Variants in LMO1 observed in about 807,000 individuals in gnomAD.
LMO1 encodes LIM domain only 1, also known as rhombotin-1.
In LMO1, 10 loss-of-function variants were observed where a neutral mutation model predicts 18.0. The observed-to-expected ratio is 0.55, with a 90% CI of 0.34 to 0.94. The LOEUF (loss-of-function observed/expected upper bound fraction) is 0.94, where lower values mean the gene tolerates loss of function less well. LMO1 is among the 40% of genes least tolerant of loss of function. The pLI is 0.02. For missense variants in LMO1, 183 were observed against 205.7 expected, an observed-to-expected ratio of 0.89 and a Z score of 0.68; for synonymous variants, 77 against 77.9, an observed-to-expected ratio of 0.99 and a Z score of 0.06.
In LMO1 at chr11:8,224,347, A is replaced by G. The variant is rs181234550; in HGVS notation, c.*269T>C. 17 of 469,902 alleles carry G rather than the reference A, an allele frequency of 3.6e-5. No homozygotes were observed. The East Asian group carries it at 5.1e-4, about 14-fold the overall frequency. The allele number at this position is 469,902 out of a possible 1,614,324, so 29.1% of individuals were successfully genotyped here. A position where few individuals can be genotyped will look rare whatever the true frequency, so the allele number is the denominator to read the frequency against. On this transcript the variant is annotated 3_prime_UTR_variant, in exon 4 of 4. Coordinates refer to ENST00000335790, the MANE Select transcript of LMO1 (RefSeq NM_002315.3). ...CATAAGTTTAATCCACGCCAGTAAT[A>G]AAATCGCATTACATTTCTCATAAAA...
At chr11:8,245,435 G>A (rs1455146080) in intron 1 of LMO1, among the ~76,000 whole-genome samples, 1 of 152,140 alleles carries the variant, frequency 6.6e-6, no homozygotes, top group Non-Finnish European at 1.5e-5. Flanking sequence ...TAGGGCTGAA[G>A]AATGAAAGTA....
chr11:8,261,501 A>T (rs879829022), intron 1 of LMO1, among the ~76,000 whole-genome samples: 4 of 152,186 alleles, frequency 2.6e-5, no homozygotes, highest in Non-Finnish European at 5.9e-5. Flanking sequence ...TTGGCATGAG[A>T]CCAATCTCCC....
intron 2 of LMO1, 59 bp from the exon 3 acceptor site, chr11:8,227,159 G>A (rs947443811): frequency 6.3e-7 from 1 of 1,575,814 alleles, no homozygotes; most frequent in Admixed American, 1.7e-5. Flanking sequence ...GTGGGCAGGG[G>A]GAAAGGAGTT....
chr11:8,226,633 A>T (rs546830375), intron 3 of LMO1, among the ~76,000 whole-genome samples: 1 of 152,200 alleles, frequency 6.6e-6, no homozygotes, highest in African/African-American at 2.4e-5. Context: ...TATTAATTCC[A>T]TCATGCACAT....
At chr11:8,268,479 G>C, upstream of LMO1, 1 of 1,394,918 alleles carries the variant, frequency 7.2e-7, no homozygotes, top group Non-Finnish European at 9.3e-7. Context: ...GACTAGCGCC[G>C]AGGATACGGA....
chr11:8,249,182 A>G (rs1424906737), intron 1 of LMO1, among the ~76,000 whole-genome samples: 1 of 152,128 alleles, frequency 6.6e-6, no homozygotes, highest in African/African-American at 2.4e-5. Context: ...TTTCTCTCCT[A>G]GACCTCAACT....
intron 1 of LMO1, among the ~76,000 whole-genome samples, chr11:8,247,844 G>A (rs1481858315): frequency 1.3e-5 from 2 of 152,236 alleles, no homozygotes; most frequent in Admixed American, 1.3e-4. Context: ...GAGGCCCAGG[G>A]ATGAGAAGAC....
Position 8,226,772 on chromosome 11 carries a change from A to G in LMO1, c.365+203T>C, listed in dbSNP as rs537312964. 8.6e-4 allele frequency: 799 copies of G among 928,762 alleles called. 10 individuals carry two copies. In the South Asian group the frequency reaches 0.016, roughly 19 times the overall value. The allele number at this position is 928,762 out of a possible 1,614,324, so 57.5% of individuals were successfully genotyped here. ...TGCCACACAGATGTGCACACCCAAT[A>G]TTAAAGTGCACACATTTGGCTACCG... is the stretch of plus-strand genomic sequence containing the variant. On this transcript the variant is annotated intron_variant, in intron 3 of 3. Coordinates refer to ENST00000335790, the MANE Select transcript of LMO1 (RefSeq NM_002315.3).
At chr11:8,252,700 C>T (rs994539138) in intron 1 of LMO1, among the ~76,000 whole-genome samples, 5 of 152,218 alleles carry the variant, frequency 3.3e-5, no homozygotes, top group Admixed American at 6.5e-5. Context: ...TCCAGCAGCC[C>T]GTGAGGAACC....
intron 1 of LMO1, among the ~76,000 whole-genome samples, chr11:8,245,012 C>T (rs2061036): frequency 0.11 from 16,364 of 152,266 alleles, 1,361 homozygotes; most frequent in African/African-American, 0.23. Flanking sequence ...CTACCAACTA[C>T]CTTCTGTGTG....
intron 1 of LMO1, among the ~76,000 whole-genome samples, chr11:8,253,385 C>T (rs1371765326): frequency 6.6e-6 from 1 of 152,178 alleles, no homozygotes; most frequent in Non-Finnish European, 1.5e-5. Context: ...TTTGCCTGTT[C>T]AAGTTTCAAC....
intron 1 of LMO1, among the ~76,000 whole-genome samples, chr11:8,244,990 C>T (rs1024350174): frequency 2.0e-5 from 3 of 152,224 alleles, no homozygotes; most frequent in African/African-American, 7.2e-5. Context: ...TCCTCGTGTG[C>T]CCTATAACCT....
chr11:8,243,899 C>T (rs1020328421), intron 1 of LMO1, among the ~76,000 whole-genome samples: 4 of 152,216 alleles, frequency 2.6e-5, no homozygotes, highest in Non-Finnish European at 5.9e-5. Flanking sequence ...TTGTGCCTCC[C>T]AGCCTATCAT....
chr11:8,263,835 G>T lies in LMO1; in HGVS notation c.-473C>A, dbSNP rs1171342011. 2 of 1,054,104 alleles carry T rather than the reference G, an allele frequency of 1.9e-6. No homozygotes were observed. The highest frequency in any genetic ancestry group is 4.6e-5 in the South Asian group (1 of 21,760). 65.3% of individuals were successfully genotyped at this position (1,054,104 alleles called of 1,614,324 possible). On this transcript the variant is annotated 5_prime_UTR_variant, in exon 1 of 4. Transcript: ENST00000335790. ...CTAAAATTATATTCAAAGAGATGGG[G>T]GAATCTCGTGGCCGTCTCCCGCTGC...
upstream of LMO1, among the ~76,000 whole-genome samples, chr11:8,267,247 C>G (rs1356103373): frequency 2.0e-5 from 3 of 152,178 alleles, no homozygotes; most frequent in Non-Finnish European, 4.4e-5. Context: ...ACCAACTGTC[C>G]AAGTTTGCCT....
At chr11:8,240,262 G>A (rs550445764) in intron 1 of LMO1, among the ~76,000 whole-genome samples, 8 of 152,324 alleles carry the variant, frequency 5.3e-5, no homozygotes, top group South Asian at 2.1e-4. Flanking sequence ...AGTACAAAGC[G>A]GGAAGCTTCA....
chr11:8,249,719 C>T (rs1846956366), intron 1 of LMO1, among the ~76,000 whole-genome samples: 1 of 152,194 alleles, frequency 6.6e-6, no homozygotes, highest in South Asian at 2.1e-4. Context: ...GATGATGCCC[C>T]AAGCTCCAGT....
At chr11:8,264,578 C>G (rs1205651248), upstream of LMO1, among the ~76,000 whole-genome samples, 2 of 152,090 alleles carry the variant, frequency 1.3e-5, no homozygotes, top group Non-Finnish European at 1.5e-5. Context: ...GCTGCCTACC[C>G]TAGGAAGGCC....
chr11:8,242,527 C>G (rs778184144), intron 1 of LMO1, among the ~76,000 whole-genome samples: 5 of 152,198 alleles, frequency 3.3e-5, no homozygotes, highest in African/African-American at 1.2e-4. Flanking sequence ...CAGGCCCAAG[C>G]CTTTCTCAGT....
Sources: allele counts gnomAD v4.1 joint callset (sites outside exome capture counted in the v4.1 genomes callset), GRCh38; gene constraint gnomAD v4.1.1; transcripts MANE v1.5; gene names NCBI Gene and HGNC (gene_info 2026-07-23, HGNC 2026-07-21).